Variants in RNF115 observed in about 807,000 individuals in gnomAD.
The protein encoded by RNF115 is E3 ubiquitin-protein ligase RNF115.
Under a neutral mutation model 39.2 loss-of-function variants are expected in RNF115, and 31 were observed. The ratio of observed to expected loss-of-function variants is 0.79; its 90% CI spans 0.59 to 1.07. The LOEUF (loss-of-function observed/expected upper bound fraction) is 1.07, where lower values mean the gene tolerates loss of function less well. Among genes scored for constraint, RNF115 ranks in the 50% least tolerant of loss-of-function variants. The probability of loss-of-function intolerance (pLI) is 0.00; values close to 1 mark genes in which losing one functional copy is unlikely to be tolerated. For synonymous variants in RNF115, 124 were observed against 131.0 expected (o/e 0.95, Z 0.37); for missense variants, 384 against 381.7 (o/e 1.01, Z -0.05).
At chr1:145,816,699 C>T (rs1254490598) in intron 1 of RNF115, among the ~76,000 whole-genome samples, 2 of 147,310 alleles carry the variant, frequency 1.4e-5, no homozygotes, top group African/African-American at 4.9e-5. Context: ...TCAGTGAGGA[C>T]AGCACTCATA....
intron 4 of RNF115, among the ~76,000 whole-genome samples, chr1:145,762,156 G>A (rs1658558653): frequency 6.6e-6 from 1 of 152,208 alleles, no homozygotes; most frequent in South Asian, 2.1e-4. Context: ...ACAGGCAGAA[G>A]GGACTTGCCT....
intron 4 of RNF115, among the ~76,000 whole-genome samples, chr1:145,769,522 C>T (rs1647537880): frequency 6.6e-6 from 1 of 152,058 alleles, no homozygotes; most frequent in African/African-American, 2.4e-5. Flanking sequence ...CTATCAACCA[C>T]AGAAGTAACT....
chr1:145,761,257 C>A (rs1281379480), intron 4 of RNF115, among the ~76,000 whole-genome samples: 1 of 152,204 alleles, frequency 6.6e-6, no homozygotes, highest in Non-Finnish European at 1.5e-5. Flanking sequence ...CAGAAATTTG[C>A]ATAAGTAGCA....
At chr1:145,767,494 C>G (rs1261882413) in intron 4 of RNF115, among the ~76,000 whole-genome samples, 1 of 148,806 alleles carries the variant, frequency 6.7e-6, no homozygotes, top group Non-Finnish European at 1.5e-5. Context: ...CCAGACTGGG[C>G]AGCCAGGCAG....
intron 1 of RNF115, among the ~76,000 whole-genome samples, chr1:145,808,597 AAATT>A (rs1553721983): frequency 6.6e-6 from 1 of 152,208 alleles, no homozygotes; most frequent in Non-Finnish European, 1.5e-5. Flanking sequence ...CTAGCAGTGA[AAATT>A]AATTTGCTGT....
chr1:145,794,691 G>C (rs587602129), intron 1 of RNF115, among the ~76,000 whole-genome samples: 3 of 150,894 alleles, frequency 2.0e-5, no homozygotes, highest in Non-Finnish European at 3.0e-5. Flanking sequence ...AATGAAGCGC[G>C]GACCCTCCCG....
intron 3 of RNF115, among the ~76,000 whole-genome samples, chr1:145,784,301 T>C (rs1231163211): frequency 6.6e-6 from 1 of 152,176 alleles, no homozygotes; most frequent in East Asian, 1.9e-4. Context: ...ACACTACCAG[T>C]TTAAAAGAAT....
At chr1:145,758,389 C>T (rs1280783080) in intron 4 of RNF115, among the ~76,000 whole-genome samples, 1 of 152,102 alleles carries the variant, frequency 6.6e-6, no homozygotes, top group Non-Finnish European at 1.5e-5. Context: ...GTTAAGTGTT[C>T]GGTTGACTGT....
chr1:145,810,864 TATTTA>T (rs1194287168), intron 1 of RNF115, among the ~76,000 whole-genome samples: 1 of 148,956 alleles, frequency 6.7e-6, no homozygotes, highest in African/African-American at 2.6e-5. Context: ...TAATTTTATT[TATTTA>T]TTTATTTTTT....
At chr1:145,749,898 G>C (rs1397294012) in intron 7 of RNF115, among the ~76,000 whole-genome samples, 1 of 152,152 alleles carries the variant, frequency 6.6e-6, no homozygotes, top group Non-Finnish European at 1.5e-5. Flanking sequence ...AGACCAAAAT[G>C]CTGTCCCTTG....
chr1:145,748,657 G>C (rs961773997), intron 7 of RNF115, among the ~76,000 whole-genome samples: 1 of 152,028 alleles, frequency 6.6e-6, no homozygotes, highest in Non-Finnish European at 1.5e-5. Context: ...GGGTGAAGGC[G>C]GGTGGATCAC....
intron 4 of RNF115, among the ~76,000 whole-genome samples, chr1:145,760,508 C>G (rs1313019860): frequency 2.0e-5 from 3 of 152,138 alleles, no homozygotes; most frequent in African/African-American, 7.2e-5. Flanking sequence ...CTTTCCCATG[C>G]TATTCTCATG....
intron 4 of RNF115, among the ~76,000 whole-genome samples, chr1:145,756,831 CTT>C (rs142073195): frequency 4.4e-5 from 3 of 67,830 alleles, no homozygotes; most frequent in African/African-American, 1.3e-4. Context: ...TTTCTAGCTT[CTT>C]TTTTTTTTTT....
chr1:145,754,355 T>G (rs1228002470), intron 4 of RNF115, among the ~76,000 whole-genome samples: 2 of 39,942 alleles, frequency 5.0e-5, no homozygotes, highest in African/African-American at 2.8e-4. Context: ...CTGGTTGTTT[T>G]TTTTTTTTCT....
Position 145,742,216 on chromosome 1 carries a change from G to A in RNF115, c.*4650C>T, listed in dbSNP as rs1320370871. On this transcript the variant is annotated 3_prime_UTR_variant, in exon 9 of 9. Coordinates refer to ENST00000582693, the MANE Select transcript of RNF115 (RefSeq NM_014455.4). ...GCTTCCCTCCTGATTTATTAAGACCGACATATTTAATTTGCATTTCTTGAG... is the reference window on the plus strand; with the variant it reads ...GCTTCCCTCCTGATTTATTAAGACCAACATATTTAATTTGCATTTCTTGAG... 2 of 152,024 alleles carry A rather than the reference G, an allele frequency of 1.3e-5. No individual in the cohort carries two copies. The highest frequency in any genetic ancestry group is 1.9e-4 in the East Asian group (1 of 5,186). The allele number at this position is 152,024 out of a possible 1,614,324, so 9.4% of individuals were successfully genotyped here.
intron 1 of RNF115, among the ~76,000 whole-genome samples, chr1:145,796,799 A>T (rs1412085075): frequency 6.6e-6 from 1 of 152,188 alleles, no homozygotes; most frequent in Non-Finnish European, 1.5e-5. Context: ...TACCCATTAA[A>T]CAACAACAAC....
intron 3 of RNF115, chr1:145,772,842 G>A (rs1553715955): frequency 6.6e-6 from 1 of 152,064 alleles, no homozygotes; most frequent in Non-Finnish European, 1.5e-5. Context: ...TCCTTACCAT[G>A]ATATATATGT....
At chr1:145,811,116 C>T (rs1385098754) in intron 1 of RNF115, among the ~76,000 whole-genome samples, 1 of 151,280 alleles carries the variant, frequency 6.6e-6, no homozygotes, top group African/African-American at 2.4e-5. Flanking sequence ...GTGATCCAAC[C>T]GCCTTGGTAT....
At chr1:145,766,482 C>G (rs1196549255) in intron 4 of RNF115, among the ~76,000 whole-genome samples, 4 of 152,084 alleles carry the variant, frequency 2.6e-5, no homozygotes, top group Non-Finnish European at 4.4e-5. Context: ...CCATTGTCAT[C>G]ATGGCCTGTT....
Sources: gnomAD v4.1 joint callset for allele counts (sites outside exome capture counted in the v4.1 genomes callset) on GRCh38, gnomAD v4.1.1 for gene constraint, MANE v1.5 for transcripts, NCBI Gene and HGNC (gene_info 2026-07-23, HGNC 2026-07-21) for gene names.